The following USP44 variants were observed in gnomAD, a reference collection of about 807,000 sequenced individuals.
The protein encoded by USP44 is ubiquitin carboxyl-terminal hydrolase 44.
Under a neutral mutation model 69.0 loss-of-function variants are expected in USP44, and 61 were observed. The ratio of observed to expected loss-of-function variants is 0.88; its 90% CI spans 0.72 to 1.09. USP44 has a LOEUF of 1.09. Among genes scored for constraint, USP44 ranks in the 50% least tolerant of loss-of-function variants. USP44 has a pLI of 0.00. For missense variants in USP44, 753 were observed against 849.9 expected (o/e 0.89, Z 1.42); for synonymous variants, 297 against 295.4 (o/e 1.01, Z -0.06).
In USP44 at chr12:95,532,963, A is replaced by G. The variant is rs1377286349; in HGVS notation, c.1294T>C (p.Leu432=). The G allele has an allele frequency of 2.5e-6, 4 of 1,614,086 alleles. No individual in the cohort carries two copies. The highest frequency in any genetic ancestry group is 1.3e-5 in the African/African-American group (1 of 74,928). ...TCTAATTCACGTTGTATTTTATCTA[A>G]AAGTTCACAAAGAAATTCCTGAGCG... The part of the protein sequence containing the change: ...QDAQEFLCEL[L]DKIQRELETT... Residue 432 remains leucine (L), a synonymous_variant, in exon 2 of 6, where the codon TTA becomes CTA. Transcript: ENST00000258499.
At chr12:95,546,008 T>G (rs1371672155) in intron 1 of USP44, among the ~76,000 whole-genome samples, 2 of 152,344 alleles carry the variant, frequency 1.3e-5, no homozygotes, top group Non-Finnish European at 2.9e-5. Context: ...AAGCAGAGAT[T>G]GAATCTAGTT....
intron 1 of USP44, among the ~76,000 whole-genome samples, chr12:95,537,973 T>G (rs752475949): frequency 6.6e-6 from 1 of 152,214 alleles, no homozygotes; most frequent in Admixed American, 6.5e-5. Flanking sequence ...CCTGTTTCAT[T>G]GAAGCTATTG....
chr12:95,520,816 C>T (rs1239964331), intron 5 of USP44, among the ~76,000 whole-genome samples, 181 bp downstream of exon 5: 1 of 152,128 alleles, frequency 6.6e-6, no homozygotes, highest in Non-Finnish European at 1.5e-5. Flanking sequence ...ACTGCAAAAC[C>T]TACAGAAAAT....
At chr12:95,519,549 C>G (rs1291513203) in intron 5 of USP44, among the ~76,000 whole-genome samples, 1 of 149,422 alleles carries the variant, frequency 6.7e-6, no homozygotes, top group Non-Finnish European at 1.5e-5. Flanking sequence ...ACGCCATTCT[C>G]CTGCCTCAGC....
At chr12:95,543,597 A>C (rs555043108) in intron 1 of USP44, among the ~76,000 whole-genome samples, 1 of 152,152 alleles carries the variant, frequency 6.6e-6, no homozygotes, top group African/African-American at 2.4e-5. Context: ...GTGCATGACT[A>C]TAGTCCCCAG....
chr12:95,550,008 G>A (rs1471272111), intron 1 of USP44, among the ~76,000 whole-genome samples: 1 of 151,956 alleles, frequency 6.6e-6, no homozygotes, highest in Non-Finnish European at 1.5e-5. Context: ...GTGAAACCCT[G>A]TCTCTACTAA....
At chr12:95,520,244 C>A (rs2076616525) in intron 5 of USP44, among the ~76,000 whole-genome samples, 2 of 151,496 alleles carry the variant, frequency 1.3e-5, no homozygotes. Flanking sequence ...TGTAATCCCA[C>A]CACTTTGGGA....
chr12:95,525,049 GAAC>G (rs1273897451), intron 3 of USP44, among the ~76,000 whole-genome samples: 1 of 152,150 alleles, frequency 6.6e-6, no homozygotes, highest in Non-Finnish European at 1.5e-5. Flanking sequence ...TAATGTGATA[GAAC>G]AAAGTATACT....
rs147410558 is a variant in USP44 at position 95,522,115 on chromosome 12, G to A, written c.1734-913C>T. On this transcript the variant is annotated intron_variant, in intron 4 of 5. Coordinates refer to ENST00000258499, the MANE Select transcript of USP44 (RefSeq NM_032147.5). ...GTTTATCAATATGCATAATGAGTTG[G>A]TGCTACGAGGGGAAAATAATGTAAC... 4,421 of 985,194 alleles carry A rather than the reference G, an allele frequency of 4.5e-3. 10 individuals carry two copies. The highest frequency in any genetic ancestry group is 4.9e-3 in the Non-Finnish European group (4,091 of 829,782). 61.0% of individuals were successfully genotyped at this position (985,194 alleles called of 1,614,324 possible).
chr12:95,537,150 G>A (rs1034880431), intron 1 of USP44, among the ~76,000 whole-genome samples: 1 of 152,048 alleles, frequency 6.6e-6, no homozygotes, highest in African/African-American at 2.4e-5. Context: ...TTGAAGAAGG[G>A]GGCAGAGGTA....
chr12:95,544,736 A>C (rs2077517003), intron 1 of USP44, among the ~76,000 whole-genome samples: 1 of 152,224 alleles, frequency 6.6e-6, no homozygotes, highest in African/African-American at 2.4e-5. Context: ...TGGAAAAATA[A>C]AGAAAAAAAG....
intron 3 of USP44, among the ~76,000 whole-genome samples, chr12:95,525,842 T>A (rs1035565879): frequency 1.3e-5 from 2 of 152,272 alleles, no homozygotes; most frequent in South Asian, 4.1e-4. Context: ...GTACACCAGC[T>A]CCGACTCCAG....
intron 3 of USP44, among the ~76,000 whole-genome samples, chr12:95,527,733 C>T (rs187062269): frequency 6.6e-6 from 1 of 152,254 alleles, no homozygotes; most frequent in African/African-American, 2.4e-5. Flanking sequence ...GATCCACCTG[C>T]CTCGGCCTCC....
At position 95,517,056 on chromosome 12, in the gene USP44, CTG is replaced by C. The variant is rs1363037655; in HGVS notation, c.*1096_*1097del. On this transcript the variant is annotated 3_prime_UTR_variant, in exon 6 of 6. Transcript: ENST00000258499. The stretch of plus-strand genomic sequence containing the variant: ...AGAAGAAGAAAAAGAGTGACTCACA[CTG>C]TATTTTTTTTTGTGCAAGTTTAGAT... 6.9e-6 allele frequency: 1 copy of C among 144,764 alleles called. No individual in the cohort carries two copies. Among genetic ancestry groups the C allele is most frequent in the Non-Finnish European group, 1.5e-5 (1 of 67,442 alleles). 9.0% of individuals were successfully genotyped at this position (144,764 alleles called of 1,614,324 possible). A position where few individuals can be genotyped will look rare whatever the true frequency, so the allele number is the denominator to read the frequency against.
At position 95,518,277 on chromosome 12, in the gene USP44, G is replaced by A. The variant is rs1324645328; in HGVS notation, c.2016C>T (p.Ile672=). The change falls in exon 6 of 6, where the codon ATC becomes ATT. Residue 672 remains isoleucine (I), a synonymous_variant. Transcript: ENST00000258499. The part of the protein sequence containing the change: ...MDEVCKAQAY[I]LFYTQRVTEN... Reference sequence around the variant, plus strand: ...CAGTAACTCGTTGGGTATAAAACAAGATATAAGCTTGAGCCTTGCATACTT... The same window carrying A: ...CAGTAACTCGTTGGGTATAAAACAAAATATAAGCTTGAGCCTTGCATACTT... The A allele has an allele frequency of 1.2e-6, 2 of 1,614,056 alleles. No individual in the cohort carries two copies. The highest frequency in any genetic ancestry group is 1.7e-6 in the Non-Finnish European group (2 of 1,180,030).
chr12:95,536,088 G>A (rs575625527), intron 1 of USP44, among the ~76,000 whole-genome samples: 2 of 124,568 alleles, frequency 1.6e-5, no homozygotes, highest in African/African-American at 6.4e-5. Context: ...TGTCACCTAA[G>A]CTGGACTGCA....
intron 1 of USP44, among the ~76,000 whole-genome samples, chr12:95,540,381 T>C (rs2077349821): frequency 6.6e-6 from 1 of 151,558 alleles, no homozygotes; most frequent in Non-Finnish European, 1.5e-5. Flanking sequence ...TCAGTGTTTT[T>C]GCTCAGGCTG....
intron 2 of USP44, among the ~76,000 whole-genome samples, chr12:95,532,575 C>A (rs1444961184): frequency 6.6e-6 from 1 of 152,050 alleles, no homozygotes; most frequent in Admixed American, 6.6e-5. Flanking sequence ...ATATTGGTAA[C>A]CTAGAGAGCT....
At position 95,528,758 on chromosome 12, in the gene USP44, C is replaced by T; in HGVS notation, c.1624+49G>A. 4 of 1,541,804 alleles carry T rather than the reference C, an allele frequency of 2.6e-6. No homozygotes were observed. The South Asian group carries it at 5.1e-5, about 20-fold the overall frequency. On this transcript the variant is annotated intron_variant, in intron 3 of 5. Transcript: ENST00000258499. ...TTTCAGCTTCCTCTCATCTGCGTTTCTCTTTATCATTCCTAGGAAAGCACC... is the reference window on the plus strand; with the variant it reads ...TTTCAGCTTCCTCTCATCTGCGTTTTTCTTTATCATTCCTAGGAAAGCACC...
Sources: gnomAD v4.1 joint callset for allele counts (sites outside exome capture counted in the v4.1 genomes callset) on GRCh38, gnomAD v4.1.1 for gene constraint, MANE v1.5 for transcripts, NCBI Gene and HGNC (gene_info 2026-07-23, HGNC 2026-07-21) for gene names.